TBX4: variants seen among roughly 807,000 people sequenced by gnomAD.
The protein encoded by TBX4 is T-box transcription factor 4, also known as T-box transcription factor TBX4.
A neutral mutation model predicts 54.6 loss-of-function variants in TBX4; 13 were observed. The ratio of observed to expected loss-of-function variants is 0.24; its 90% CI spans 0.15 to 0.38. The LOEUF (loss-of-function observed/expected upper bound fraction) is 0.38. TBX4 is among the 10% of genes least tolerant of loss of function. TBX4 has a pLI of 1.00. For synonymous variants in TBX4, 314 were observed against 306.7 expected (o/e 1.02, Z -0.25); for missense variants, 631 against 728.5 (o/e 0.87, Z 1.54).
At chr17:61,452,874 A>G (rs1440783434) in intron 1 of TBX4, 2 of 960,858 alleles carry the variant, frequency 2.1e-6, no homozygotes, top group Non-Finnish European at 2.5e-6. Context: ...CAGCGCCAGC[A>G]CCCTAAGAAC....
In TBX4 at chr17:61,461,572, C is replaced by T. The variant is rs1157000209; in HGVS notation, c.281+3941C>T. On this transcript the variant is annotated intron_variant, in intron 3 of 8. Transcript: ENST00000644296. The surrounding 1 kb of genome is among the most constrained non-coding windows in gnomAD (Gnocchi z 5.1). Reference sequence around the variant, plus strand: ...TCCAAGGCGCCTGTGTATGTGTACACACATATATAATTTTTAACCTAAATG... The same window carrying T: ...TCCAAGGCGCCTGTGTATGTGTACATACATATATAATTTTTAACCTAAATG... 6.6e-6 allele frequency among the ~76,000 whole-genome samples: 1 copy of T among 152,154 alleles called. No homozygotes were observed. The highest frequency in any genetic ancestry group is 6.5e-5 in the Admixed American group (1 of 15,282).
intron 3 of TBX4, among the ~76,000 whole-genome samples, chr17:61,463,854 C>T (rs909423606): frequency 6.6e-6 from 1 of 152,134 alleles, no homozygotes; most frequent in Admixed American, 6.5e-5. Flanking sequence ...GGATTCTTGG[C>T]CTTACCCCAG....
At chr17:61,454,013 C>T (rs898628985) in intron 1 of TBX4, among the ~76,000 whole-genome samples, 1 of 152,182 alleles carries the variant, frequency 6.6e-6, no homozygotes, top group African/African-American at 2.4e-5. Flanking sequence ...TTCACTATGT[C>T]ACCTCGATAT....
intron 5 of TBX4, among the ~76,000 whole-genome samples, chr17:61,477,941 C>CAAAAAAAAAAAAAAAAAAAAAAAAAAA (rs10617980): frequency 2.3e-5 from 2 of 88,668 alleles, no homozygotes; most frequent in Non-Finnish European, 4.6e-5. Context: ...GATTCCATCT[C>CAAAAAAAAAAAAAAAAAAAAAAAAAAA]AAAAAAAAAA....
chr17:61,460,007 C>T lies in TBX4; in HGVS notation c.281+2376C>T, dbSNP rs1316631428. Among the ~76,000 whole-genome samples the T allele has an allele frequency of 6.6e-6, 1 of 152,108 alleles. No individual in the cohort carries two copies. Among genetic ancestry groups the T allele is most frequent in the Admixed American group, 6.5e-5 (1 of 15,278 alleles). ...AAATTCTGTGTGCCTCTACTGGAAC[C>T]CTTCTTGGTACACGTCCATTTGTCA... On this transcript the variant is annotated intron_variant, in intron 3 of 8. Coordinates refer to ENST00000644296, the MANE Select transcript of TBX4 (RefSeq NM_001321120.2). The surrounding 1 kb of genome is among the most constrained non-coding windows in gnomAD (Gnocchi z 4.4).
chr17:61,459,958 G>A lies in TBX4; in HGVS notation c.281+2327G>A, dbSNP rs912638903. 1.3e-5 allele frequency among the ~76,000 whole-genome samples: 2 copies of A among 150,950 alleles called. No homozygotes were observed. The highest frequency in any genetic ancestry group is 4.2e-4 in the South Asian group (2 of 4,808). ...TCAGGCTGTGGTTCTTCAACATCCT[G>A]TCCAGTGCCTCTCCCTGCTCCCCAA... On this transcript the variant is annotated intron_variant, in intron 3 of 8. Transcript: ENST00000644296. This position sits in a 1 kb window ranked among gnomAD's most constrained non-coding sequence, Gnocchi z 4.8.
Position 61,475,967 on chromosome 17 carries a change from T to A in TBX4, c.550-2660T>A, listed in dbSNP as rs890417672. 6.6e-6 allele frequency among the ~76,000 whole-genome samples: 1 copy of A among 152,014 alleles called. No homozygotes were observed. The highest frequency in any genetic ancestry group is 1.9e-4 in the East Asian group (1 of 5,172). On this transcript the variant is annotated intron_variant, in intron 5 of 8. Coordinates refer to ENST00000644296, the MANE Select transcript of TBX4 (RefSeq NM_001321120.2). The surrounding 1 kb of genome is among the most constrained non-coding windows in gnomAD (Gnocchi z 5.0). The stretch of plus-strand genomic sequence containing the variant: ...GCCTTAGAGATGATCTCGTCTTTAG[T>A]GAGCAAGCAAAGACCAGAGAGGAGG...
chr17:61,480,187 C>T lies in TBX4; in HGVS notation c.889C>T (p.His297Tyr). 6.2e-7 allele frequency: 1 copy of T among 1,614,186 alleles called. No homozygotes were observed. The highest frequency in any genetic ancestry group is 8.5e-7 in the Non-Finnish European group (1 of 1,180,044). ...GGACGTGGGCCCCCTGCTCGGCACC[C>T]ACCAGGCACTCCAGCACTACCAGCA... ...TPDVGPLLGT[H>Y]QALQHYQHEN... Residue 297 changes from histidine to tyrosine, a missense_variant, in exon 8 of 9, where the codon CAC becomes TAC. By Grantham distance (83) the His-to-Tyr change is moderately conservative (BLOSUM62 2). Coordinates refer to ENST00000644296, the MANE Select transcript of TBX4 (RefSeq NM_001321120.2). This position sits in a 1 kb window ranked among gnomAD's most constrained non-coding sequence, Gnocchi z 6.2.
Position 61,478,919 on chromosome 17 carries a change from A to G in TBX4, c.702+140A>G. 7.6e-7 allele frequency: 1 copy of G among 1,311,686 alleles called. No homozygotes were observed. Among genetic ancestry groups the G allele is most frequent in the Non-Finnish European group, 1.1e-6 (1 of 918,468 alleles). The allele number at this position is 1,311,686 out of a possible 1,614,324, so 81.3% of individuals were successfully genotyped here. A position where few individuals can be genotyped will look rare whatever the true frequency, so the allele number is the denominator to read the frequency against. Reference sequence around the variant, plus strand: ...CAGTGCAGGGACCTCAGAAGCCTAGAGTCCCTCGGAGCCGCGAGCAAATCG... The same window carrying G: ...CAGTGCAGGGACCTCAGAAGCCTAGGGTCCCTCGGAGCCGCGAGCAAATCG... On this transcript the variant is annotated intron_variant, in intron 6 of 8. Coordinates refer to ENST00000644296, the MANE Select transcript of TBX4 (RefSeq NM_001321120.2). The surrounding 1 kb of genome is among the most constrained non-coding windows in gnomAD (Gnocchi z 7.4).
intron 5 of TBX4, among the ~76,000 whole-genome samples, chr17:61,468,476 G>C (rs2060551926): frequency 6.6e-6 from 1 of 152,222 alleles, no homozygotes. Flanking sequence ...GGGCAGTGGA[G>C]GCTTTGAGAT....
At position 61,457,667 on chromosome 17, in the gene TBX4, TG is replaced by T. The variant is rs748813735; in HGVS notation, c.281+40del. 1.6e-5 allele frequency: 26 copies of T among 1,603,588 alleles called. No individual in the cohort carries two copies. The African/African-American group carries it at 3.5e-4, about 22-fold the overall frequency. Reference sequence around the variant, plus strand: ...GGAGATTTACTTCCGGGGATGGCGGTGGGGAGCAAGGGGGGCCAGGGAGGTC... The same window carrying T: ...GGAGATTTACTTCCGGGGATGGCGGTGGGAGCAAGGGGGGCCAGGGAGGTC... On this transcript the variant is annotated intron_variant, in intron 3 of 8. Transcript: ENST00000644296. The surrounding 1 kb of genome is among the most constrained non-coding windows in gnomAD (Gnocchi z 8.2).
chr17:61,458,748 A>T (rs2060472873), intron 3 of TBX4, among the ~76,000 whole-genome samples: 1 of 152,254 alleles, frequency 6.6e-6, no homozygotes, highest in Non-Finnish European at 1.5e-5. Flanking sequence ...ACATGCAAGC[A>T]CACAAGAAGT....
rs2060651957 is a variant in TBX4, at chr17:61,480,016, C to T, written c.791+47C>T. ...GTGGGGCGGGCAGATGGGATTCAGG[C>T]ACGTGGCCTCTGTGACCCTCGATGT... On this transcript the variant is annotated intron_variant, in intron 7 of 8. Coordinates refer to ENST00000644296, the MANE Select transcript of TBX4 (RefSeq NM_001321120.2). The surrounding 1 kb of genome is among the most constrained non-coding windows in gnomAD (Gnocchi z 6.2). The T allele has an allele frequency of 5.0e-6, 8 of 1,611,820 alleles. No individual in the cohort carries two copies. The highest frequency in any genetic ancestry group is 6.8e-6 in the Non-Finnish European group (8 of 1,178,072).
At chr17:61,467,358 A>C in intron 4 of TBX4, 152 bp from the exon 5 acceptor site, 1 of 830,610 alleles carries the variant, frequency 1.2e-6, no homozygotes, top group Non-Finnish European at 2.0e-6. Context: ...TGAACCTCAC[A>C]CTCCTACCCT....
rs1342243305 is a variant in TBX4, at chr17:61,485,099, T to C, written c.*1583T>C. 3 of 152,178 alleles carry C rather than the reference T, an allele frequency of 2.0e-5. No individual in the cohort carries two copies. The highest frequency in any genetic ancestry group is 4.4e-5 in the Non-Finnish European group (3 of 68,022). 9.4% of individuals were successfully genotyped at this position (152,178 alleles called of 1,614,324 possible). ...TGCATATCGGAACATAAAGCCATTT[T>C]ACAACTGTGAAGTGTGTGGATGCTC... On this transcript the variant is annotated 3_prime_UTR_variant, in exon 9 of 9. Coordinates refer to ENST00000644296, the MANE Select transcript of TBX4 (RefSeq NM_001321120.2). This position sits in a 1 kb window ranked among gnomAD's most constrained non-coding sequence, Gnocchi z 4.6.
rs896830043 is a variant in TBX4, at chr17:61,478,110, T to C, written c.550-517T>C. Among the ~76,000 whole-genome samples the C allele has an allele frequency of 2.0e-5, 3 of 152,122 alleles. No individual in the cohort carries two copies. The highest frequency in any genetic ancestry group is 2.9e-5 in the Non-Finnish European group (2 of 68,028). On this transcript the variant is annotated intron_variant, in intron 5 of 8. Transcript: ENST00000644296. This position sits in a 1 kb window ranked among gnomAD's most constrained non-coding sequence, Gnocchi z 7.4. ...AAGTATTTCTAGAAGAGGCAGGTCA[T>C]GTGTAAGAAGGGTATTGAGAAGAGG...
Position 61,479,733 on chromosome 17 carries a change from T to C in TBX4, c.703-148T>C. Reference sequence around the variant, plus strand: ...AGAGGCCAGTCCAGTCCCACCCTCCTCCCCAAGGAGGGTAGTGAGAAGCGG... The same window carrying C: ...AGAGGCCAGTCCAGTCCCACCCTCCCCCCCAAGGAGGGTAGTGAGAAGCGG... On this transcript the variant is annotated intron_variant, in intron 6 of 8. Coordinates refer to ENST00000644296, the MANE Select transcript of TBX4 (RefSeq NM_001321120.2). This position sits in a 1 kb window ranked among gnomAD's most constrained non-coding sequence, Gnocchi z 6.1. The C allele has an allele frequency of 1.2e-6, 1 of 832,110 alleles. No individual in the cohort carries two copies. The highest frequency in any genetic ancestry group is 1.5e-5 in the South Asian group (1 of 68,726). 51.5% of individuals were successfully genotyped at this position (832,110 alleles called of 1,614,324 possible).
chr17:61,471,903 T>TA (rs2060581973), intron 5 of TBX4, among the ~76,000 whole-genome samples: 2 of 64,592 alleles, frequency 3.1e-5, no homozygotes, highest in East Asian at 4.8e-4. Flanking sequence ...TTTTTTTTTT[T>TA]TTTTTTTTTT....
rs1041603570 is a variant in TBX4, at chr17:61,476,541, A to C, written c.550-2086A>C. ...GGGCTGGGAGGTGTTTTCCAGGCCC[A>C]GTTCCTCTCGCCACAGGAGCATCCC... On this transcript the variant is annotated intron_variant, in intron 5 of 8. Coordinates refer to ENST00000644296, the MANE Select transcript of TBX4 (RefSeq NM_001321120.2). The surrounding 1 kb of genome is among the most constrained non-coding windows in gnomAD (Gnocchi z 6.5). 6.6e-6 allele frequency among the ~76,000 whole-genome samples: 1 copy of C among 152,210 alleles called. No individual in the cohort carries two copies. Among genetic ancestry groups the C allele is most frequent in the Non-Finnish European group, 1.5e-5 (1 of 68,024 alleles).
Sources: allele counts gnomAD v4.1 joint callset (sites outside exome capture counted in the v4.1 genomes callset), GRCh38; gene constraint gnomAD v4.1.1; non-coding constraint Gnocchi (gnomAD v3.1); transcripts MANE v1.5; gene names NCBI Gene and HGNC (gene_info 2026-07-23, HGNC 2026-07-21).